Variants in S100Z observed in about 807,000 individuals in gnomAD.
S100Z encodes the protein S100 calcium binding protein Z.
S100Z carries 11 observed loss-of-function variants against 8.5 expected under a neutral mutation model. The ratio of observed to expected loss-of-function variants is 1.30; its 90% CI spans 0.82 to 2.15. The LOEUF is 2.15. S100Z is among the 30% of genes most tolerant of loss of function. The pLI, the probability that S100Z is intolerant of heterozygous loss-of-function variation, is 0.00. For synonymous variants in S100Z, 34 were observed against 43.8 expected (o/e 0.78, Z 0.89); for missense variants, 126 against 117.9 (o/e 1.07, Z -0.32).
the S100Z span, among the ~76,000 whole-genome samples, chr5:76,945,585 C>G: frequency 1.3e-5 from 2 of 152,254 alleles, no homozygotes; most frequent in Non-Finnish European, 2.9e-5. Flanking sequence ...CTTTACTCCA[C>G]TGAGATGTTT....
rs988004831 is a variant in S100Z, at chr5:76,889,363, T to A, written c.*2+11529T>A. ...GTATCATTTAGAAGAAAAAATTTTT[T>A]AAAAATTGAACACATATGTTGGATG... is the stretch of plus-strand genomic sequence containing the variant. On this transcript the variant is annotated intron_variant, in intron 4 of 4. Coordinates refer to ENST00000317593, the MANE Select transcript of S100Z (RefSeq NM_130772.4). Among the ~76,000 whole-genome samples the A allele has an allele frequency of 7.2e-5, 11 of 152,332 alleles. No individual in the cohort carries two copies. In the East Asian group the frequency reaches 9.6e-4, roughly 13 times the overall value.
chr5:76,915,470 T>G (rs6887216), intron 4 of S100Z, among the ~76,000 whole-genome samples: 19 of 151,360 alleles, frequency 1.3e-4, no homozygotes, highest in Admixed American at 2.0e-4. Flanking sequence ...TAGCCAGGCA[T>G]GGGGGTGAGC....
At chr5:76,952,935 CT>C in the S100Z span, 1 of 583,410 alleles carries the variant, frequency 1.7e-6, no homozygotes, top group Non-Finnish European at 3.1e-6. Flanking sequence ...GCCACGTACT[CT>C]GTCAATGAGA....
At position 76,904,721 on chromosome 5, in the gene S100Z, T is replaced by G. The variant is rs1337377605; in HGVS notation, c.*3-15996T>G. Among the ~76,000 whole-genome samples the G allele has an allele frequency of 5.9e-5, 9 of 151,998 alleles. 1 individual carries two copies. Among genetic ancestry groups the G allele is most frequent in the Admixed American group, 5.9e-4 (9 of 15,264 alleles). On this transcript the variant is annotated intron_variant, in intron 4 of 4. Transcript: ENST00000317593. ...GCCTGGCTAATTAAAAAAAATTTTTTTTTGGTAGAGATGGGGTCTCCCTGT... is the reference window on the plus strand; with the variant it reads ...GCCTGGCTAATTAAAAAAAATTTTTGTTTGGTAGAGATGGGGTCTCCCTGT...
intron 4 of S100Z, among the ~76,000 whole-genome samples, chr5:76,899,945 C>T (rs760268083): frequency 6.6e-6 from 1 of 152,300 alleles, no homozygotes; most frequent in South Asian, 2.1e-4. Context: ...TTAATGAAAT[C>T]CCCCAGCTTT....
intron 4 of S100Z, among the ~76,000 whole-genome samples, chr5:76,912,381 C>T (rs1744697093): frequency 1.3e-5 from 2 of 152,180 alleles, no homozygotes; most frequent in Non-Finnish European, 2.9e-5. Context: ...GTCCCCTTAG[C>T]TAATCCTGAC....
chr5:76,952,385 A>G, the S100Z span, among the ~76,000 whole-genome samples: 2 of 152,262 alleles, frequency 1.3e-5, no homozygotes, highest in African/African-American at 4.8e-5. Flanking sequence ...GAGCTCAGCT[A>G]AAATCCAGAA....
At position 76,885,613 on chromosome 5, in the gene S100Z, G is replaced by A. The variant is rs182968921; in HGVS notation, c.*2+7779G>A. Among the ~76,000 whole-genome samples the A allele has an allele frequency of 5.1e-3, 686 of 133,218 alleles. 77 individuals are homozygous for A. Among genetic ancestry groups the A allele is most frequent in the Non-Finnish European group, 7.9e-3 (471 of 59,298 alleles). 87.4% of individuals were successfully genotyped at this position (133,218 alleles called of 152,430 possible). A position where few individuals can be genotyped will look rare whatever the true frequency, so the allele number is the denominator to read the frequency against. On this transcript the variant is annotated intron_variant, in intron 4 of 4. Transcript: ENST00000317593. ...GCTTGTCCCCCAGGAAAGTGGGAAT[G>A]GGGTGGGAGGTGCTTGCCCCCCAGG...
chr5:76,901,697 C>T (rs1580051507), intron 4 of S100Z, among the ~76,000 whole-genome samples: 1 of 152,192 alleles, frequency 6.6e-6, no homozygotes, highest in Non-Finnish European at 1.5e-5. Flanking sequence ...ATCCCAAGAA[C>T]CCTCATGGTG....
the S100Z span, among the ~76,000 whole-genome samples, chr5:76,945,015 CAT>C: frequency 6.6e-6 from 1 of 152,146 alleles, no homozygotes; most frequent in Non-Finnish European, 1.5e-5. Context: ...AAAAGGAAGA[CAT>C]AAGAAACTCC....
At chr5:76,922,593 G>A (rs369758945), downstream of S100Z, among the ~76,000 whole-genome samples, 41 of 145,742 alleles carry the variant, frequency 2.8e-4, no homozygotes, top group African/African-American at 4.2e-4. Flanking sequence ...TGGCACGATC[G>A]GCTGACTGCA....
At chr5:76,874,783 G>A (rs1405842455) in intron 2 of S100Z, among the ~76,000 whole-genome samples, 1 of 152,090 alleles carries the variant, frequency 6.6e-6, no homozygotes, top group Non-Finnish European at 1.5e-5. Flanking sequence ...TACCTCTTGG[G>A]GGTGTAGGGA....
the S100Z span, among the ~76,000 whole-genome samples, chr5:76,946,919 T>G: frequency 2.6e-5 from 4 of 152,258 alleles, no homozygotes; most frequent in African/African-American, 9.6e-5. Flanking sequence ...TCAGCATCCC[T>G]TCTTCTGAAA....
chr5:76,908,314 C>T (rs188263976), intron 4 of S100Z, among the ~76,000 whole-genome samples: 2 of 152,248 alleles, frequency 1.3e-5, no homozygotes, highest in East Asian at 3.9e-4. Flanking sequence ...CAGCCATGAG[C>T]GGAACTCTCA....
intron 1 of S100Z, among the ~76,000 whole-genome samples, chr5:76,864,227 C>A (rs959135860): frequency 4.6e-5 from 7 of 151,960 alleles, no homozygotes; most frequent in African/African-American, 1.7e-4. Context: ...GAAGTCACAC[C>A]ATCACACTGT....
chr5:76,941,991 C>T, the S100Z span, among the ~76,000 whole-genome samples: 156 of 152,150 alleles, frequency 1.0e-3, no homozygotes, highest in Middle Eastern at 3.4e-3. Context: ...TTTTGGCCAT[C>T]GAGAGCACTT....
chr5:76,886,377 T>C (rs77316390), intron 4 of S100Z, among the ~76,000 whole-genome samples: 2,135 of 152,124 alleles, frequency 0.014, 62 homozygotes, highest in East Asian at 0.11. Flanking sequence ...GGCACCAAGA[T>C]TTAAAGGAGA....
intron 4 of S100Z, among the ~76,000 whole-genome samples, chr5:76,888,515 A>G (rs1255347347): frequency 6.6e-6 from 1 of 150,988 alleles, no homozygotes; most frequent in Non-Finnish European, 1.5e-5. Flanking sequence ...ATCTGGGACT[A>G]CAGGCACTCG....
At chr5:76,916,787 T>C (rs1480006706) in intron 4 of S100Z, among the ~76,000 whole-genome samples, 1 of 152,102 alleles carries the variant, frequency 6.6e-6, no homozygotes, top group African/African-American at 2.4e-5. Context: ...GCTAAAGAAG[T>C]CTTGAGAGGC....
Sources: gnomAD v4.1 joint callset for allele counts (sites outside exome capture counted in the v4.1 genomes callset) on GRCh38, gnomAD v4.1.1 for gene constraint, MANE v1.5 for transcripts, NCBI Gene and HGNC (gene_info 2026-07-23, HGNC 2026-07-21) for gene names.